The following ERBB4 variants were observed in gnomAD, a reference collection of about 807,000 sequenced individuals.
The protein encoded by ERBB4 is erb-b2 receptor tyrosine kinase 4.
A neutral mutation model predicts 158.0 loss-of-function variants in ERBB4; 42 were observed. The observed-to-expected ratio is 0.27, with a 90% CI of 0.21 to 0.34. The LOEUF is 0.34. Among genes scored for constraint, ERBB4 ranks in the 10% least tolerant of loss-of-function variants. ERBB4 has a pLI of 1.00. For synonymous variants in ERBB4, 583 were observed against 558.7 expected (o/e 1.04, Z -0.61); for missense variants, 1,333 against 1,624.1 (o/e 0.82, Z 3.08).
At chr2:212,197,232 T>A (rs771742754) in intron 1 of ERBB4, among the ~76,000 whole-genome samples, 1 of 152,184 alleles carries the variant, frequency 6.6e-6, no homozygotes, top group African/African-American at 2.4e-5. Context: ...ACATATTCAA[T>A]TGCCTTAATT....
intron 1 of ERBB4, among the ~76,000 whole-genome samples, chr2:212,146,247 A>G (rs954103581): frequency 6.6e-6 from 1 of 152,024 alleles, no homozygotes; most frequent in African/African-American, 2.4e-5. Flanking sequence ...AATGCCCACT[A>G]TTTCTCTTAT....
chr2:211,539,001 C>T (rs2066728939), intron 20 of ERBB4, among the ~76,000 whole-genome samples: 1 of 151,892 alleles, frequency 6.6e-6, no homozygotes, highest in Admixed American at 6.6e-5. Context: ...CTGAATTTTA[C>T]TCATATTTAT....
chr2:212,266,927 T>C (rs1178220923), intron 1 of ERBB4, among the ~76,000 whole-genome samples: 1 of 152,058 alleles, frequency 6.6e-6, no homozygotes, highest in African/African-American at 2.4e-5. Flanking sequence ...TTGATTTATT[T>C]GCATCGGACT....
At chr2:211,809,072 A>G (rs911019602) in intron 3 of ERBB4, among the ~76,000 whole-genome samples, 1 of 152,208 alleles carries the variant, frequency 6.6e-6, no homozygotes, top group African/African-American at 2.4e-5. Flanking sequence ...GTCATCTGCA[A>G]ACAGGGACAA....
At position 212,249,041 on chromosome 2, in the gene ERBB4, G is replaced by A. The variant is rs113427839; in HGVS notation, c.83-124138C>T. Among the ~76,000 whole-genome samples the A allele has an allele frequency of 6.4e-4, 97 of 152,086 alleles. 1 individual carries two copies. The highest frequency in any genetic ancestry group is 3.6e-4 in the African/African-American group (15 of 41,528). On this transcript the variant is annotated intron_variant, in intron 1 of 27. Coordinates refer to ENST00000342788, the MANE Select transcript of ERBB4 (RefSeq NM_005235.3). ...CTGATTTCTACAATGTAATTATATC[G>A]TTTCTAATTTATATTTGGGGTTATT... is the stretch of plus-strand genomic sequence containing the variant.
At chr2:212,259,347 A>G (rs1265951071) in intron 1 of ERBB4, among the ~76,000 whole-genome samples, 1 of 152,136 alleles carries the variant, frequency 6.6e-6, no homozygotes, top group African/African-American at 2.4e-5. Context: ...CCCAACATAC[A>G]CACTTAAGTT....
Position 211,379,558 on chromosome 2 carries a change from T to G in ERBB4, c.*4057A>C. 4.3e-6 allele frequency: 1 copy of G among 231,166 alleles called. No individual in the cohort carries two copies. Among genetic ancestry groups the G allele is most frequent in the Non-Finnish European group, 8.6e-6 (1 of 116,770 alleles). The allele number at this position is 231,166 out of a possible 1,614,324, so 14.3% of individuals were successfully genotyped here. A position where few individuals can be genotyped will look rare whatever the true frequency, so the allele number is the denominator to read the frequency against. ...GCAAAATCCATCCTACATTTTTATA[T>G]CCTGCATTTAACTTTGTTACATTAT... On this transcript the variant is annotated 3_prime_UTR_variant, in exon 28 of 28. Transcript: ENST00000342788.
At chr2:212,387,967 T>C (rs1021553387) in intron 1 of ERBB4, among the ~76,000 whole-genome samples, 6 of 152,108 alleles carry the variant, frequency 3.9e-5, no homozygotes, top group Admixed American at 2.6e-4. Flanking sequence ...TCTGATCTCT[T>C]GAGGCTCACC....
At chr2:212,015,578 T>C (rs1402764182) in intron 2 of ERBB4, among the ~76,000 whole-genome samples, 1 of 152,200 alleles carries the variant, frequency 6.6e-6, no homozygotes, top group African/African-American at 2.4e-5. Flanking sequence ...CTGTCAATCA[T>C]TTGGCATGTT....
chr2:211,539,331 C>A (rs1405118874), intron 20 of ERBB4, among the ~76,000 whole-genome samples: 1 of 151,862 alleles, frequency 6.6e-6, no homozygotes, highest in Admixed American at 6.6e-5. Flanking sequence ...GTGCTTCCAT[C>A]AATTGTAAAA....
intron 25 of ERBB4, among the ~76,000 whole-genome samples, chr2:211,389,356 G>A (rs879384846): frequency 7.2e-5 from 11 of 152,218 alleles, no homozygotes; most frequent in Non-Finnish European, 1.6e-4. Context: ...ATTATTCCAG[G>A]TCAATGTTCA....
chr2:212,120,862 T>G (rs992182252), intron 2 of ERBB4, among the ~76,000 whole-genome samples: 1 of 152,160 alleles, frequency 6.6e-6, no homozygotes, highest in Non-Finnish European at 1.5e-5. Context: ...ATATACAAAT[T>G]TATTATCCAC....
intron 3 of ERBB4, among the ~76,000 whole-genome samples, chr2:211,871,906 G>A (rs990262192): frequency 4.6e-5 from 7 of 152,098 alleles, no homozygotes; most frequent in Non-Finnish European, 8.8e-5. Flanking sequence ...GGGAGGAGAA[G>A]CAGGAGGAGG....
intron 1 of ERBB4, among the ~76,000 whole-genome samples, chr2:212,300,526 T>C (rs1224768142): frequency 6.6e-6 from 1 of 151,664 alleles, no homozygotes; most frequent in Non-Finnish European, 1.5e-5. Flanking sequence ...GATTAGCTTT[T>C]TAAAATATCC....
chr2:211,526,563 G>A (rs949681324), intron 20 of ERBB4, among the ~76,000 whole-genome samples: 4 of 151,960 alleles, frequency 2.6e-5, no homozygotes, highest in Non-Finnish European at 5.9e-5. Flanking sequence ...ACTCTTCAAT[G>A]CCCAGACAGT....
chr2:211,701,699 T>C (rs1006114104), intron 12 of ERBB4, among the ~76,000 whole-genome samples: 5 of 133,480 alleles, frequency 3.7e-5, no homozygotes, highest in Admixed American at 1.9e-4. Context: ...GAGCTTGCAG[T>C]GAGCCGAGAT....
At chr2:211,772,874 T>TAC (rs766913615) in intron 4 of ERBB4, among the ~76,000 whole-genome samples, 8 of 48,268 alleles carry the variant, frequency 1.7e-4, no homozygotes, top group South Asian at 1.1e-3. Context: ...TATATACACA[T>TAC]ATATATATAT....
chr2:211,580,748 C>T (rs1468511729), intron 19 of ERBB4, among the ~76,000 whole-genome samples: 3 of 138,146 alleles, frequency 2.2e-5, no homozygotes, highest in Admixed American at 7.6e-5. Context: ...TGGAACCAAC[C>T]CAAATCCCCA....
chr2:211,589,459 A>G (rs186732895), intron 19 of ERBB4, among the ~76,000 whole-genome samples: 174 of 152,298 alleles, frequency 1.1e-3, no homozygotes, highest in African/African-American at 3.7e-3. Context: ...ATTTCCTTAA[A>G]TCAACCAGAC....
Sources: gnomAD v4.1 joint callset for allele counts (sites outside exome capture counted in the v4.1 genomes callset) on GRCh38, gnomAD v4.1.1 for gene constraint, MANE v1.5 for transcripts, NCBI Gene and HGNC (gene_info 2026-07-23, HGNC 2026-07-21) for gene names.